The following GNPDA2 variants were observed in gnomAD, a reference collection of about 807,000 sequenced individuals.
GNPDA2 encodes the protein glcN6P deaminase 2.
In GNPDA2, 24 loss-of-function variants were observed where a neutral mutation model predicts 27.0. The observed-to-expected ratio is 0.89, with a 90% CI of 0.64 to 1.25. The LOEUF (loss-of-function observed/expected upper bound fraction) is 1.25, where lower values mean the gene tolerates loss of function less well. Ranked by LOEUF, GNPDA2 falls within the 50% of genes most tolerant of loss-of-function variation. The pLI, the probability that GNPDA2 is intolerant of heterozygous loss-of-function variation, is 0.00. For synonymous variants in GNPDA2, 94 were observed against 108.4 expected, an observed-to-expected ratio of 0.87 and a Z score of 0.83; for missense variants, 286 against 335.1, an observed-to-expected ratio of 0.85 and a Z score of 1.14.
chr4:44,722,340 C>T (rs1185657350), intron 1 of GNPDA2, 98 bp from the exon 2 acceptor site: 5 of 815,538 alleles, frequency 6.1e-6, no homozygotes, highest in Admixed American at 3.1e-5. Context: ...AGCACTGAAA[C>T]AGAATATACT....
chr4:44,720,346 G>T (rs1187302115), intron 2 of GNPDA2, among the ~76,000 whole-genome samples: 1 of 152,114 alleles, frequency 6.6e-6, no homozygotes, highest in Admixed American at 6.6e-5. Context: ...AGATAGGTCT[G>T]GTGCCAGAGT....
At chr4:44,709,223 A>T (rs548253543) in intron 5 of GNPDA2, among the ~76,000 whole-genome samples, 80 of 152,236 alleles carry the variant, frequency 5.3e-4, no homozygotes, top group African/African-American at 1.8e-3. Flanking sequence ...CATTACCATT[A>T]TGAAGGGAGT....
chr4:44,712,615 C>T (rs560352810), intron 4 of GNPDA2, among the ~76,000 whole-genome samples: 1 of 152,204 alleles, frequency 6.6e-6, no homozygotes, highest in East Asian at 1.9e-4. Flanking sequence ...ATATCCCTAA[C>T]ATTTATATTT....
chr4:44,718,285 T>C, intron 3 of GNPDA2, 24 bp downstream of exon 3: 1 of 869,046 alleles, frequency 1.2e-6, no homozygotes. Flanking sequence ...CAAATAATGG[T>C]CAATATATTT....
intron 2 of GNPDA2, among the ~76,000 whole-genome samples, chr4:44,720,142 G>T (rs1045172221): frequency 3.3e-5 from 5 of 152,074 alleles, no homozygotes; most frequent in African/African-American, 1.2e-4. Context: ...AGATGGAGCG[G>T]GAGGTTCAAC....
chr4:44,704,909 A>G (rs1242865310), intron 6 of GNPDA2: 1 of 983,410 alleles, frequency 1.0e-6, no homozygotes, highest in Non-Finnish European at 1.2e-6. Flanking sequence ...AAGCTGTTCT[A>G]TTTAAAAAGC....
At chr4:44,724,457 C>CT (rs577339361) in intron 1 of GNPDA2, among the ~76,000 whole-genome samples, 10 of 152,284 alleles carry the variant, frequency 6.6e-5, no homozygotes, top group African/African-American at 2.2e-4. Flanking sequence ...AATCTTCATA[C>CT]TTTTTTCTAC....
At chr4:44,706,327 T>G (rs1249539927) in intron 6 of GNPDA2, 1 of 151,850 alleles carries the variant, frequency 6.6e-6, no homozygotes, top group Non-Finnish European at 1.5e-5. Context: ...AATAAGGAAA[T>G]GTTTAAATAA....
intron 6 of GNPDA2, chr4:44,703,673 G>C (rs1716412300): frequency 1.0e-6 from 1 of 983,916 alleles, no homozygotes; most frequent in African/African-American, 1.7e-5. Flanking sequence ...AAACAAGACA[G>C]AAAACAACCT....
intron 3 of GNPDA2, 50 bp downstream of exon 3, chr4:44,718,259 C>T (rs768377704): frequency 1.4e-6 from 1 of 699,798 alleles, no homozygotes; most frequent in Non-Finnish European, 2.4e-6. Flanking sequence ...TCATTTTATT[C>T]CAAATATAAC....
rs779968485 is a variant in GNPDA2, at chr4:44,707,963, C to T, written c.595-37G>A. On this transcript the variant is annotated intron_variant, in intron 5 of 6. Coordinates refer to ENST00000295448, the MANE Select transcript of GNPDA2 (RefSeq NM_138335.3). ...TGAACATCAATTGTTAAAACTTGTT[C>T]CAAATGAGTAAGAAGCTCTATTTTT... is the stretch of plus-strand genomic sequence containing the variant. 5 of 1,426,224 alleles carry T rather than the reference C, an allele frequency of 3.5e-6. No homozygotes were observed. The South Asian group carries it at 7.4e-5, about 21-fold the overall frequency. 88.3% of individuals were successfully genotyped at this position (1,426,224 alleles called of 1,614,324 possible).
intron 6 of GNPDA2, chr4:44,703,382 T>G (rs1478848633): frequency 8.1e-7 from 1 of 1,239,664 alleles, no homozygotes; most frequent in Non-Finnish European, 1.0e-6. Flanking sequence ...GTACAGGTAC[T>G]TTGGGAGTAA....
intron 3 of GNPDA2, among the ~76,000 whole-genome samples, chr4:44,717,739 T>C (rs1717397553): frequency 6.6e-6 from 1 of 151,926 alleles, no homozygotes; most frequent in Non-Finnish European, 1.5e-5. Flanking sequence ...ATTCATCCTG[T>C]ATGTGTGCAG....
chr4:44,722,096 C>G lies in GNPDA2; in HGVS notation c.112G>C (p.Gly38Arg), dbSNP rs749181971. The change falls in exon 2 of 7, where the codon GGT (glycine) becomes CGT (arginine). Residue 38 changes from glycine to arginine, a missense_variant. Coordinates refer to ENST00000295448, the MANE Select transcript of GNPDA2 (RefSeq NM_138335.3). ...AGTAGTTAATTACCTGTTGGTAAAC[C>G]CAGTGTAAAATATCTGTCCTGTCCA... ...KPGQDRYFTL[G>R]LPTGSTPLGC... 6.2e-7 allele frequency: 1 copy of G among 1,606,718 alleles called. No individual in the cohort carries two copies. The highest frequency in any genetic ancestry group is 1.7e-5 in the Admixed American group (1 of 59,336).
Position 44,701,992 on chromosome 4 carries a change from G to C in GNPDA2, c.*1089C>G. On this transcript the variant is annotated 3_prime_UTR_variant, in exon 7 of 7. Transcript: ENST00000295448. ...CTTATGAAATGCAAAATAAGCAAAA[G>C]GAGCATTTTTTTGCTCCCCACAGAG... 2.0e-6 allele frequency: 2 copies of C among 985,108 alleles called. No individual in the cohort carries two copies. The highest frequency in any genetic ancestry group is 2.4e-6 in the Non-Finnish European group (2 of 829,576). 61.0% of individuals were successfully genotyped at this position (985,108 alleles called of 1,614,324 possible).
chr4:44,719,388 G>A (rs1243366800), intron 2 of GNPDA2, among the ~76,000 whole-genome samples: 1 of 151,730 alleles, frequency 6.6e-6, no homozygotes, highest in East Asian at 1.9e-4. Context: ...CAAATACAAA[G>A]GAAATTCAAG....
intron 2 of GNPDA2, among the ~76,000 whole-genome samples, chr4:44,719,434 G>C (rs756144336): frequency 2.0e-5 from 3 of 151,958 alleles, no homozygotes; most frequent in South Asian, 4.1e-4. Context: ...TGAGATGTCA[G>C]AATAGACAAG....
At chr4:44,708,486 T>C (rs1174026115) in intron 5 of GNPDA2, among the ~76,000 whole-genome samples, 1 of 150,812 alleles carries the variant, frequency 6.6e-6, no homozygotes, top group Non-Finnish European at 1.5e-5. Context: ...TACTTAAACA[T>C]AGGAACTGTC....
chr4:44,724,969 T>C (rs1461845313), intron 1 of GNPDA2, among the ~76,000 whole-genome samples: 2 of 152,128 alleles, frequency 1.3e-5, no homozygotes, highest in African/African-American at 2.4e-5. Flanking sequence ...TTGGCTGTAA[T>C]GAACATCAAA....
Sources: gnomAD v4.1 joint callset for allele counts (sites outside exome capture counted in the v4.1 genomes callset) on GRCh38, gnomAD v4.1.1 for gene constraint, MANE v1.5 for transcripts, NCBI Gene and HGNC (gene_info 2026-07-23, HGNC 2026-07-21) for gene names.